ELP1: variants seen among roughly 807,000 people sequenced by gnomAD.
The protein encoded by ELP1 is elongator complex protein 1.
A neutral mutation model predicts 183.2 loss-of-function variants in ELP1; 131 were observed. The ratio of observed to expected loss-of-function variants is 0.72; its 90% CI spans 0.62 to 0.83. The LOEUF is 0.83. Among genes scored for constraint, ELP1 ranks in the 40% least tolerant of loss-of-function variants. The probability of loss-of-function intolerance (pLI) is 0.00; values close to 1 mark genes in which losing one functional copy is unlikely to be tolerated. For synonymous variants in ELP1, 555 were observed against 569.0 expected, an observed-to-expected ratio of 0.98 and a Z score of 0.35; for missense variants, 1,550 against 1,594.9, an observed-to-expected ratio of 0.97 and a Z score of 0.48.
rs544766218 is a variant in ELP1 at position 108,889,371 on chromosome 9, C to T, written c.3183G>A (p.Lys1061=). The change falls in exon 29 of 37, where the codon AAG becomes AAA. Residue 1061 remains lysine, a synonymous_variant. Coordinates refer to ENST00000374647, the MANE Select transcript of ELP1 (RefSeq NM_003640.5). ...CCAAAACCATGGCCGCATCAATGTG[C>T]TTCCTCTGCTCAACCAGCTTTCCTG... ...TLAGKLVEQR[K]HIDAAMVLEE... 6.8e-6 allele frequency: 11 copies of T among 1,614,156 alleles called. No individual in the cohort carries two copies. In the South Asian group the frequency reaches 8.8e-5, roughly 13 times the overall value.
Position 108,906,441 on chromosome 9 carries a change from TTCAGCGGGTTTACA to T in ELP1, c.1491_1504del (p.Asp497GlufsTer9). 2 of 1,614,056 alleles carry T rather than the reference TTCAGCGGGTTTACA, an allele frequency of 1.2e-6. No homozygotes were observed. The highest frequency in any genetic ancestry group is 1.7e-6 in the Non-Finnish European group (2 of 1,179,892). ...TTCAATCCAAGTGAGAAGGCCTAGT[TTCAGCGGGTTTACA>T]TCTTGATCTTCATTATTCTCAAACT... On this transcript the variant is annotated frameshift_variant, in exon 14 of 37. Transcript: ENST00000374647. LOFTEE classifies it high-confidence loss of function.
chr9:108,927,666 A>C (rs1365473322), intron 3 of ELP1, among the ~76,000 whole-genome samples: 1 of 152,262 alleles, frequency 6.6e-6, no homozygotes, highest in East Asian at 1.9e-4. Flanking sequence ...TGGATAAAGA[A>C]ATTGTGGTAC....
intron 29 of ELP1, among the ~76,000 whole-genome samples, chr9:108,885,862 G>C (rs1163034202): frequency 6.6e-6 from 1 of 152,136 alleles, no homozygotes. Flanking sequence ...ATGGATCTTG[G>C]GGGTATGGGT....
At position 108,919,239 on chromosome 9, in the gene ELP1, A is replaced by G. The variant is rs749331002; in HGVS notation, c.649+14T>C. On this transcript the variant is annotated intron_variant, in intron 7 of 36. Transcript: ENST00000374647. Reference sequence around the variant, plus strand: ...AATTTTTTATTGTTGTTTAACTGCAATATATTTCCATACCTGTTTCTGGGC... The same window carrying G: ...AATTTTTTATTGTTGTTTAACTGCAGTATATTTCCATACCTGTTTCTGGGC... The G allele has an allele frequency of 1.3e-6, 2 of 1,579,612 alleles. No homozygotes were observed. Among genetic ancestry groups the G allele is most frequent in the East Asian group, 2.2e-5 (1 of 44,710 alleles).
At chr9:108,890,661 G>A (rs927472370) in intron 28 of ELP1, among the ~76,000 whole-genome samples, 2 of 152,098 alleles carry the variant, frequency 1.3e-5, no homozygotes, top group African/African-American at 2.4e-5. Flanking sequence ...AGAATGCTTC[G>A]ACATTTGGCC....
intron 36 of ELP1, 87 bp downstream of exon 36, chr9:108,874,808 C>T (rs200030691): frequency 3.2e-6 from 3 of 928,638 alleles, no homozygotes; most frequent in East Asian, 4.9e-5. Context: ...TATCCAATCT[C>T]TCCTTATACT....
rs780373242 is a variant in ELP1, at chr9:108,906,283, A to T, written c.1643+20T>A. 1.2e-6 allele frequency: 2 copies of T among 1,613,220 alleles called. No homozygotes were observed. The highest frequency in any genetic ancestry group is 2.7e-5 in the African/African-American group (2 of 75,014). On this transcript the variant is annotated intron_variant, in intron 14 of 36. Transcript: ENST00000374647. ...ACTCCATTTGCTTAACATGTGGAGTACAGGGAAAAACTGCAATACCTGACA... is the reference window on the plus strand; with the variant it reads ...ACTCCATTTGCTTAACATGTGGAGTTCAGGGAAAAACTGCAATACCTGACA...
At chr9:108,901,856 T>C (rs1375551070) in intron 16 of ELP1, among the ~76,000 whole-genome samples, 175 bp from the exon 17 acceptor site, 1 of 152,050 alleles carries the variant, frequency 6.6e-6, no homozygotes. Context: ...TGTGAAGCCA[T>C]CCAATCCATC....
At position 108,902,945 on chromosome 9, in the gene ELP1, G is replaced by A; in HGVS notation, c.1751-3C>T. 1.2e-6 allele frequency: 2 copies of A among 1,608,344 alleles called. No individual in the cohort carries two copies. The highest frequency in any genetic ancestry group is 1.7e-6 in the Non-Finnish European group (2 of 1,174,728). On this transcript the variant is annotated splice_polypyrimidine_tract_variant and splice_region_variant and intron_variant, in intron 15 of 36. Coordinates refer to ENST00000374647, the MANE Select transcript of ELP1 (RefSeq NM_003640.5). ...TTTAATAGCCAGAGAAGGTGACTCT[G>A]CAAGATTCACAGATCTAGTTCACAA...
At chr9:108,880,286 C>A in intron 31 of ELP1, 121 bp from the exon 32 acceptor site, 1 of 709,674 alleles carries the variant, frequency 1.4e-6, no homozygotes. Context: ...ACTAGGTTTT[C>A]CAAGCGAGCT....
chr9:108,894,217 A>T, intron 25 of ELP1, 151 bp from the exon 26 acceptor site: 2 of 500,280 alleles, frequency 4.0e-6, no homozygotes, highest in South Asian at 5.7e-5. Context: ...TATAAAATCA[A>T]ACTACAGTTG....
intron 6 of ELP1, among the ~76,000 whole-genome samples, chr9:108,922,357 T>G (rs1406782356): frequency 1.3e-5 from 2 of 152,254 alleles, no homozygotes; most frequent in Non-Finnish European, 2.9e-5. Context: ...TAAAAAGTCC[T>G]GCCTTGAGTC....
At chr9:108,911,679 T>C (rs917498799) in intron 11 of ELP1, among the ~76,000 whole-genome samples, 1 of 151,398 alleles carries the variant, frequency 6.6e-6, no homozygotes, top group Non-Finnish European at 1.5e-5. Context: ...TAGAAGCCAG[T>C]GCTCCCTTTC....
chr9:108,889,267 T>C, intron 29 of ELP1, 65 bp downstream of exon 29: 1 of 1,376,916 alleles, frequency 7.3e-7, no homozygotes, highest in Non-Finnish European at 1.0e-6. Context: ...TCATGATCAC[T>C]AAGATACAAT....
intron 16 of ELP1, among the ~76,000 whole-genome samples, chr9:108,901,986 T>C (rs1828826518): frequency 6.6e-6 from 1 of 152,158 alleles, no homozygotes; most frequent in Admixed American, 6.5e-5. Context: ...TCCAATCAAG[T>C]CTCTTCTGGG....
intron 15 of ELP1, 143 bp from the exon 16 acceptor site, chr9:108,903,085 AT>A: frequency 2.1e-6 from 1 of 479,648 alleles, no homozygotes; most frequent in East Asian, 3.9e-5. Flanking sequence ...TTATATATAT[AT>A]TTTTATTATA....
In ELP1 at chr9:108,879,445, C is replaced by T. The variant is rs571348995; in HGVS notation, c.3572+1G>A. ...ATGTGCTGAATCAATGTGATACGTA[C>T]GCTGATATCCTGGAGTTACTATGGG... On this transcript the variant is annotated splice_donor_variant, in intron 33 of 36. Coordinates refer to ENST00000374647, the MANE Select transcript of ELP1 (RefSeq NM_003640.5). LOFTEE classifies it high-confidence loss of function. 6 of 1,600,400 alleles carry T rather than the reference C, an allele frequency of 3.7e-6. No homozygotes were observed. The highest frequency in any genetic ancestry group is 4.3e-6 in the Non-Finnish European group (5 of 1,167,594).
chr9:108,905,293 TA>T (rs1828977440), intron 14 of ELP1, among the ~76,000 whole-genome samples: 2 of 152,218 alleles, frequency 1.3e-5, no homozygotes, highest in Non-Finnish European at 2.9e-5. Flanking sequence ...AATTACAAAT[TA>T]ATCTGGGGAT....
chr9:108,929,042 A>G (rs1829911414), intron 3 of ELP1, among the ~76,000 whole-genome samples: 1 of 152,236 alleles, frequency 6.6e-6, no homozygotes, highest in African/African-American at 2.4e-5. Context: ...AATTTGCATG[A>G]AAAGCACTTT....
Sources: gnomAD v4.1 joint callset for allele counts (sites outside exome capture counted in the v4.1 genomes callset) on GRCh38, gnomAD v4.1.1 for gene constraint, MANE v1.5 for transcripts, NCBI Gene and HGNC (gene_info 2026-07-23, HGNC 2026-07-21) for gene names.